The following TG variants were observed in gnomAD, a reference collection of about 807,000 sequenced individuals.
The protein encoded by TG is thyroid hormones.
A neutral mutation model predicts 324.7 loss-of-function variants in TG; 270 were observed. The ratio of observed to expected loss-of-function variants is 0.83; its 90% CI spans 0.75 to 0.92. The LOEUF (loss-of-function observed/expected upper bound fraction) is 0.92. TG is among the 40% of genes least tolerant of loss of function. TG has a pLI of 0.00. For missense variants in TG, 3,591 were observed against 3,456.4 expected, an observed-to-expected ratio of 1.04 and a Z score of -0.98; for synonymous variants, 1,401 against 1,327.0, an observed-to-expected ratio of 1.06 and a Z score of -1.21.
Position 132,887,043 on chromosome 8 carries a change from C to T in TG, c.1671C>T (p.Asn557=). 6.2e-7 allele frequency: 1 copy of T among 1,614,158 alleles called. No homozygotes were observed. Among genetic ancestry groups the T allele is most frequent in the Non-Finnish European group, 8.5e-7 (1 of 1,180,038 alleles). ...TGGGCAGCTTTGGCTTTGAAATTAACCTACAAGAGAACCAAAATGCCCTCA... is the reference window on the plus strand; with the variant it reads ...TGGGCAGCTTTGGCTTTGAAATTAATCTACAAGAGAACCAAAATGCCCTCA... ...PTVGSFGFEI[N]LQENQNALKF... Residue 557 remains asparagine, a synonymous_variant, in exon 9 of 48, where the codon AAC becomes AAT. Transcript: ENST00000220616.
chr8:133,046,346 A>G (rs1839390379), intron 41 of TG: 1 of 152,270 alleles, frequency 6.6e-6, no homozygotes, highest in South Asian at 2.1e-4. Flanking sequence ...AGAGGCCTAG[A>G]GCCCCTATGG....
rs561599316 is a variant in TG at position 133,119,394 on chromosome 8, A to T, written c.7862+2678A>T. 1.2e-4 allele frequency among the ~76,000 whole-genome samples: 19 copies of T among 152,332 alleles called. 1 individual carries two copies. Among genetic ancestry groups the T allele is most frequent in the South Asian group, 1.0e-3 (5 of 4,830 alleles). ...CTATTCAGCCTGCCATAGTAAATAT[A>T]TCTTAGCCTGGATAATTTATAAACA... On this transcript the variant is annotated intron_variant, in intron 45 of 47. Coordinates refer to ENST00000220616, the MANE Select transcript of TG (RefSeq NM_003235.5).
In TG at chr8:132,954,179, C is replaced by T. The variant is rs116551696; in HGVS notation, c.5401+5236C>T. 3.6e-3 allele frequency among the ~76,000 whole-genome samples: 547 copies of T among 152,098 alleles called. 4 individuals are homozygous for T. Among genetic ancestry groups the T allele is most frequent in the African/African-American group, 0.013 (521 of 41,466 alleles). On this transcript the variant is annotated intron_variant, in intron 27 of 47. Coordinates refer to ENST00000220616, the MANE Select transcript of TG (RefSeq NM_003235.5). ...CTCAGTGGAGAAAGTTACAGTACACCTGTGGTACTCATTGCAATCAGACGC... is the reference window on the plus strand; with the variant it reads ...CTCAGTGGAGAAAGTTACAGTACACTTGTGGTACTCATTGCAATCAGACGC...
intron 41 of TG, among the ~76,000 whole-genome samples, chr8:133,057,810 C>T (rs1587925013): frequency 6.6e-6 from 1 of 151,704 alleles, no homozygotes; most frequent in Non-Finnish European, 1.5e-5. Context: ...TGGGTAAAGC[C>T]ATGTTCCAAG....
chr8:133,092,450 C>T (rs1376061720), intron 41 of TG, among the ~76,000 whole-genome samples: 1 of 152,232 alleles, frequency 6.6e-6, no homozygotes, highest in African/African-American at 2.4e-5. Flanking sequence ...TGTGGACCTA[C>T]AGGCATGGCT....
chr8:132,969,091 C>T (rs1348641513), intron 31 of TG, among the ~76,000 whole-genome samples: 1 of 145,898 alleles, frequency 6.9e-6, no homozygotes, highest in Non-Finnish European at 1.5e-5. Context: ...TTTGGGCCAC[C>T]TTCACCCCCA....
chr8:132,896,082 A>T (rs748679896), intron 11 of TG, among the ~76,000 whole-genome samples: 1 of 152,260 alleles, frequency 6.6e-6, no homozygotes, highest in African/African-American at 2.4e-5. Context: ...GGCGAAGGCC[A>T]TGGGAGGAAA....
At chr8:132,870,028 C>T (rs1350668395) in intron 3 of TG, among the ~76,000 whole-genome samples, 1 of 152,146 alleles carries the variant, frequency 6.6e-6, no homozygotes, top group African/African-American at 2.4e-5. Flanking sequence ...GTCATTTGTT[C>T]AATAAATATC....
chr8:133,096,453 G>C (rs772841476), intron 43 of TG, 80 bp downstream of exon 43: 344 of 1,556,458 alleles, frequency 2.2e-4, no homozygotes, highest in Non-Finnish European at 2.9e-4. Flanking sequence ...ACTTGATCAA[G>C]AGATATTGAC....
At chr8:132,899,483 C>G (rs1817614219) in intron 14 of TG, among the ~76,000 whole-genome samples, 1 of 152,236 alleles carries the variant, frequency 6.6e-6, no homozygotes, top group Admixed American at 6.5e-5. Flanking sequence ...CCACCACCCA[C>G]TCTGCTCAGC....
intron 5 of TG, 110 bp downstream of exon 5, chr8:132,873,331 A>G: frequency 7.1e-7 from 1 of 1,414,210 alleles, no homozygotes; most frequent in Non-Finnish European, 9.7e-7. Context: ...TAAGGAATTA[A>G]GAGCTGCCTC....
At position 132,963,071 on chromosome 8, in the gene TG, G is replaced by GATACTGAC; in HGVS notation, c.5545_5546insATACTGAC (p.Ala1849AspfsTer6). On this transcript the variant is annotated frameshift_variant, in exon 29 of 48. Transcript: ENST00000220616. LOFTEE classifies it high-confidence loss of function. ...GCCAAGGCCAGCATCTCCAACAGAAGCAGGTACTGACCCCCAAACCTTCTT... is the reference window on the plus strand; with the variant it reads ...GCCAAGGCCAGCATCTCCAACAGAAGATACTGACCAGGTACTGACCCCCAAACCTTCTT... The GATACTGAC allele has an allele frequency of 6.2e-7, 1 of 1,614,020 alleles. No homozygotes were observed. The highest frequency in any genetic ancestry group is 8.5e-7 in the Non-Finnish European group (1 of 1,179,896).
rs767389590 is a variant in TG, at chr8:133,049,896, A to G, written c.7239+19873A>G. On this transcript the variant is annotated intron_variant, in intron 41 of 47. Transcript: ENST00000220616. The stretch of plus-strand genomic sequence containing the variant: ...TTAATTGCTGCCATTTGAGAAATGT[A>G]CTCACCCATGGTAAACTCTGGCCAC... The G allele has an allele frequency of 4.4e-6, 7 of 1,576,372 alleles. No homozygotes were observed. In the East Asian group the frequency reaches 1.6e-4, roughly 35 times the overall value.
chr8:133,030,708 A>T lies in TG; in HGVS notation c.7239+685A>T, dbSNP rs76989786. Among the ~76,000 whole-genome samples, 350 of 152,344 alleles carry T rather than the reference A, an allele frequency of 2.3e-3. 7 individuals carry two copies. The East Asian group carries it at 0.045, about 20-fold the overall frequency. ...GCTTAAAGCAGATATTTATAAGAAG[A>T]TCTCAGGGCAGCCCTAAGAGAAGGC... On this transcript the variant is annotated intron_variant, in intron 41 of 47. Coordinates refer to ENST00000220616, the MANE Select transcript of TG (RefSeq NM_003235.5).
chr8:133,067,262 G>A (rs1156685259), intron 41 of TG, among the ~76,000 whole-genome samples: 1 of 152,122 alleles, frequency 6.6e-6, no homozygotes, highest in Non-Finnish European at 1.5e-5. Context: ...CTCCTCTAGG[G>A]CAGGTGCAGC....
chr8:133,029,721 C>T, intron 40 of TG, 100 bp from the exon 41 acceptor site: 1 of 1,449,650 alleles, frequency 6.9e-7, no homozygotes, highest in Non-Finnish European at 9.6e-7. Context: ...CCCAGAGCCC[C>T]TGGCGGGGCC....
chr8:132,969,362 T>A, intron 31 of TG, 96 bp from the exon 32 acceptor site: 2 of 873,818 alleles, frequency 2.3e-6, no homozygotes, highest in Middle Eastern at 5.1e-4. Context: ...CATCTTTAAT[T>A]GGAAACTTTC....
chr8:132,922,647 AT>A (rs1821272452), intron 21 of TG, among the ~76,000 whole-genome samples: 1 of 152,210 alleles, frequency 6.6e-6, no homozygotes, highest in Non-Finnish European at 1.5e-5. Flanking sequence ...AACAGCAGAA[AT>A]TTATTTCTCA....
Position 133,019,703 on chromosome 8 carries a change from C to T in TG, c.6876+8C>T, listed in dbSNP as rs997659356. The T allele has an allele frequency of 1.2e-6, 2 of 1,609,602 alleles. No individual in the cohort carries two copies. The highest frequency in any genetic ancestry group is 1.7e-6 in the Non-Finnish European group (2 of 1,176,616). ...TTCATCCCTCAGAATGTGGTGAGTT[C>T]AAAAGCACTTGCTATGGTTGCCCTG... On this transcript the variant is annotated splice_region_variant and intron_variant, in intron 39 of 47. Transcript: ENST00000220616.
Sources: allele counts gnomAD v4.1 joint callset (sites outside exome capture counted in the v4.1 genomes callset), GRCh38; gene constraint gnomAD v4.1.1; transcripts MANE v1.5; gene names NCBI Gene and HGNC (gene_info 2026-07-23, HGNC 2026-07-21).